Variants in GATM observed in about 807,000 individuals in gnomAD.
GATM encodes glycine amidinotransferase, mitochondrial.
GATM carries 23 observed loss-of-function variants against 54.2 expected under a neutral mutation model. The ratio of observed to expected loss-of-function variants is 0.42; its 90% confidence interval spans 0.31 to 0.60. The LOEUF is 0.60. GATM is among the 20% of genes least tolerant of loss of function. The pLI, the probability that GATM is intolerant of heterozygous loss-of-function variation, is 0.14. For missense variants in GATM, 401 were observed against 544.9 expected (o/e 0.74, Z 2.63); for synonymous variants, 168 against 183.1 (o/e 0.92, Z 0.67).
rs749745200 is a variant in GATM, at chr15:45,378,464, C to T, written c.-11G>A. On this transcript the variant is annotated 5_prime_UTR_variant, in exon 1 of 9. Transcript: ENST00000396659. ...CCGCACCCGCAGCATCGCCCTGGCC[C>T]GGCTGGTCCACGCGCGGAATGTTCC... 1.1e-4 allele frequency: 152 copies of T among 1,437,546 alleles called. No individual in the cohort carries two copies. The highest frequency in any genetic ancestry group is 1.4e-4 in the Non-Finnish European group (150 of 1,101,730). The allele number at this position is 1,437,546 out of a possible 1,614,324, so 89.0% of individuals were successfully genotyped here. A position where few individuals can be genotyped will look rare whatever the true frequency, so the allele number is the denominator to read the frequency against.
chr15:45,373,156 A>C (rs545682856), intron 2 of GATM: 2 of 152,358 alleles, frequency 1.3e-5, no homozygotes, highest in South Asian at 4.1e-4. Context: ...ATTTTATAAA[A>C]GGTCCTTTAT....
In GATM at chr15:45,361,269, G is replaced by T. The variant is rs572610952; in HGVS notation, c.*840C>A. On this transcript the variant is annotated 3_prime_UTR_variant, in exon 9 of 9. Transcript: ENST00000396659. ...TATGCTCTAAATAATTTGCACATTT[G>T]TAAACAAATCTTAGATGACCAAAGA... 9.2e-5 allele frequency: 14 copies of T among 152,006 alleles called. No individual in the cohort carries two copies. The highest frequency in any genetic ancestry group is 3.1e-4 in the African/African-American group (13 of 41,448). 9.4% of individuals were successfully genotyped at this position (152,006 alleles called of 1,614,324 possible).
intron 3 of GATM, among the ~76,000 whole-genome samples, chr15:45,391,807 A>G (rs886361374): frequency 6.6e-6 from 1 of 152,244 alleles, no homozygotes; most frequent in Non-Finnish European, 1.5e-5. Flanking sequence ...AAAAACTGCC[A>G]ATTGCTGCCT....
At chr15:45,364,235 A>G (rs947595963) in intron 7 of GATM, 15 of 546,452 alleles carry the variant, frequency 2.7e-5, no homozygotes, top group Admixed American at 2.7e-4. Flanking sequence ...TTTAAAAGTC[A>G]TATCTTGGCT....
upstream of GATM, chr15:45,380,270 A>C (rs1219440045): frequency 6.7e-6 from 1 of 149,740 alleles, no homozygotes; most frequent in Non-Finnish European, 1.5e-5. Flanking sequence ...AAAAAAAGCT[A>C]TATGAGGTAA....
chr15:45,390,620 A>G (rs1161169342), intron 3 of GATM, among the ~76,000 whole-genome samples: 1 of 152,200 alleles, frequency 6.6e-6, no homozygotes, highest in Non-Finnish European at 1.5e-5. Flanking sequence ...GCATCAATGC[A>G]CATTTTATAA....
In GATM at chr15:45,376,049, A is replaced by G. The variant is rs541520510; in HGVS notation, c.288+552T>C. Reference sequence around the variant, plus strand: ...ACATCACGTGACATAAGGAGAAATCAAAGATGATTCTTTTGTGTTTTAGCT... The same window carrying G: ...ACATCACGTGACATAAGGAGAAATCGAAGATGATTCTTTTGTGTTTTAGCT... On this transcript the variant is annotated intron_variant, in intron 2 of 8. Transcript: ENST00000396659. Among the ~76,000 whole-genome samples, 157 of 152,320 alleles carry G rather than the reference A, an allele frequency of 1.0e-3. 1 individual carries two copies. Among genetic ancestry groups the G allele is most frequent in the African/African-American group, 3.7e-3 (153 of 41,578 alleles).
chr15:45,376,610 G>A lies in GATM; in HGVS notation c.279C>T (p.Ile93=), dbSNP rs192378417. 1 of 1,613,532 alleles carries A rather than the reference G, an allele frequency of 6.2e-7. No individual in the cohort carries two copies. Among genetic ancestry groups the A allele is most frequent in the South Asian group, 1.1e-5 (1 of 91,068 alleles). Reference sequence around the variant, plus strand: ...AATAGCCTTCCTTTACCTTCACCTCGATGGTGAACGGTGGAACACAGGCGT... The same window carrying A: ...AATAGCCTTCCTTTACCTTCACCTCAATGGTGAACGGTGGAACACAGGCGT... ...AENACVPPFT[I]EVKANTYEKY... Residue 93 remains isoleucine (I), a synonymous_variant, in exon 2 of 9, where the codon ATC becomes ATT. Transcript: ENST00000396659.
intron 2 of GATM, among the ~76,000 whole-genome samples, chr15:45,373,042 C>A (rs926148313): frequency 2.6e-5 from 4 of 152,180 alleles, no homozygotes; most frequent in African/African-American, 9.7e-5. Flanking sequence ...CAAAGGTTTG[C>A]CAAGTGAATT....
At chr15:45,363,618 G>A (rs1340316180) in intron 8 of GATM, 3 of 525,106 alleles carry the variant, frequency 5.7e-6, no homozygotes, top group Non-Finnish European at 1.0e-5. Flanking sequence ...CAAAGGGGTG[G>A]TTTTCTGCAC....
upstream of GATM, among the ~76,000 whole-genome samples, chr15:45,382,229 C>T (rs1197540273): frequency 3.3e-5 from 5 of 152,262 alleles, no homozygotes; most frequent in South Asian, 1.0e-3. Context: ...TATGAAATAT[C>T]CCTCAAAACT....
chr15:45,378,104 G>C (rs1889671835), intron 1 of GATM: 2 of 402,324 alleles, frequency 5.0e-6, no homozygotes. Context: ...CTGCGCCGTG[G>C]GCCAGCAGGC....
intron 2 of GATM, among the ~76,000 whole-genome samples, chr15:45,398,672 T>A (rs189136622): frequency 3.4e-4 from 52 of 152,344 alleles, no homozygotes; most frequent in African/African-American, 1.2e-3. Context: ...GATGAAAGTG[T>A]TTGCAAATCA....
At chr15:45,397,735 C>T (rs1295377762) in intron 2 of GATM, among the ~76,000 whole-genome samples, 7 of 152,232 alleles carry the variant, frequency 4.6e-5, no homozygotes, top group Non-Finnish European at 4.4e-5. Flanking sequence ...CAGACCGTCC[C>T]TGGTCAGAAG....
At chr15:45,374,148 T>C (rs1889589546) in intron 2 of GATM, among the ~76,000 whole-genome samples, 1 of 152,172 alleles carries the variant, frequency 6.6e-6, no homozygotes, top group African/African-American at 2.4e-5. Context: ...GGCCCAGAAA[T>C]TTGTGGAATC....
At chr15:45,369,204 A>G (rs1165224180) in intron 3 of GATM, 122 bp downstream of exon 3, 2 of 760,422 alleles carry the variant, frequency 2.6e-6, no homozygotes, top group African/African-American at 1.8e-5. Flanking sequence ...AAATCTTTAA[A>G]GTTTTCAAGA....
chr15:45,361,819 T>C lies in GATM; in HGVS notation c.*290A>G. The C allele has an allele frequency of 1.9e-6, 1 of 523,510 alleles. No homozygotes were observed. The highest frequency in any genetic ancestry group is 3.3e-6 in the Non-Finnish European group (1 of 298,678). 32.4% of individuals were successfully genotyped at this position (523,510 alleles called of 1,614,324 possible). A position where few individuals can be genotyped will look rare whatever the true frequency, so the allele number is the denominator to read the frequency against. On this transcript the variant is annotated 3_prime_UTR_variant, in exon 9 of 9. Transcript: ENST00000396659. ...AAAACAGAGGTAGATGGTTAATTAT[T>C]AGTGGCCAAGTTACTCAGGTGACTA...
chr15:45,380,381 G>GT (rs1393479831), upstream of GATM: 8 of 152,116 alleles, frequency 5.3e-5, no homozygotes, highest in East Asian at 9.7e-4. Flanking sequence ...AATTTGCTGT[G>GT]TGACCTGGAA....
chr15:45,390,008 C>T (rs911252814), intron 3 of GATM, among the ~76,000 whole-genome samples: 1 of 151,980 alleles, frequency 6.6e-6, no homozygotes, highest in East Asian at 1.9e-4. Flanking sequence ...TACAGGCACA[C>T]ACCCATCTAA....
Sources: allele counts gnomAD v4.1 joint callset (sites outside exome capture counted in the v4.1 genomes callset), GRCh38; gene constraint gnomAD v4.1.1; transcripts MANE v1.5; gene names NCBI Gene and HGNC (gene_info 2026-07-23, HGNC 2026-07-21).